Variants in DNHD1 observed in about 807,000 individuals in gnomAD.
DNHD1 encodes the protein dynein heavy chain domain-containing protein 1.
DNHD1 carries 383 observed loss-of-function variants against 458.1 expected under a neutral mutation model. The observed-to-expected ratio is 0.84, with a 90% CI of 0.77 to 0.91. DNHD1 has a LOEUF of 0.91. DNHD1 is among the 40% of genes least tolerant of loss of function. The probability of loss-of-function intolerance (pLI) is 0.00; values close to 1 mark genes in which losing one functional copy is unlikely to be tolerated. For missense variants in DNHD1, 5,336 were observed against 5,866.1 expected, an observed-to-expected ratio of 0.91 and a Z score of 2.95; for synonymous variants, 2,203 against 2,376.9, an observed-to-expected ratio of 0.93 and a Z score of 2.13.
chr11:6,548,810 C>T lies in DNHD1; in HGVS notation c.7264C>T (p.Leu2422Phe). The T allele has an allele frequency of 6.4e-7, 1 of 1,551,696 alleles. No individual in the cohort carries two copies. The highest frequency in any genetic ancestry group is 8.7e-7 in the Non-Finnish European group (1 of 1,147,000). The change falls in exon 24 of 43, where the codon CTC (leucine) becomes TTC (phenylalanine). Residue 2422 changes from leucine (L) to phenylalanine (F), a missense_variant. Physicochemically the swap from Leu to Phe is conservative, Grantham distance 22 (BLOSUM62 0). Transcript: ENST00000254579. This position sits in a 1 kb window ranked among gnomAD's most constrained non-coding sequence, Gnocchi z 4.4. ...CCACCCTGCCTTCAGTTCCTCCCACCTCCGTCTCCTGCTGAGCAGAGGAAT... is the reference window on the plus strand; with the variant it reads ...CCACCCTGCCTTCAGTTCCTCCCACTTCCGTCTCCTGCTGAGCAGAGGAAT... The part of the protein sequence containing the change: ...PIHPAFSSSH[L>F]RLLLSRGIQG...
Position 6,520,222 on chromosome 11 carries a change from A to C in DNHD1, c.1786-16A>C. 6.4e-7 allele frequency: 1 copy of C among 1,561,576 alleles called. No individual in the cohort carries two copies. The highest frequency in any genetic ancestry group is 8.7e-7 in the Non-Finnish European group (1 of 1,151,776). On this transcript the variant is annotated splice_polypyrimidine_tract_variant and intron_variant, in intron 9 of 42. Transcript: ENST00000254579. ...GCTTTCCCATTTCTGCCCCTTCTCCATATCCTGGCATGAAGGTAGTGCAGT... is the reference window on the plus strand; with the variant it reads ...GCTTTCCCATTTCTGCCCCTTCTCCCTATCCTGGCATGAAGGTAGTGCAGT...
chr11:6,557,591 C>A lies in DNHD1; in HGVS notation c.8296C>A (p.His2766Asn), dbSNP rs1321693697. 1 of 1,551,760 alleles carries A rather than the reference C, an allele frequency of 6.4e-7. No homozygotes were observed. The highest frequency in any genetic ancestry group is 2.0e-5 in the Admixed American group (1 of 51,010). Reference sequence around the variant, plus strand: ...CAGGGGGATGAAGGAAAGCATAAGTCACAAGATAAGGCAAGAGAAAGGCAC... The same window carrying A: ...CAGGGGGATGAAGGAAAGCATAAGTAACAAGATAAGGCAAGAGAAAGGCAC... ...VSRGMKESIS[H>N]KIRQEKGTRA... Residue 2766 changes from histidine to asparagine, a missense_variant, in exon 25 of 43, where the codon CAC becomes AAC. His to Asn is a moderately conservative substitution (Grantham distance 68, BLOSUM62 1). This residue lies in a region of DNHD1 where 3,932 missense variants were observed against 4,365.6 expected (regional missense o/e 0.90). Transcript: ENST00000254579.
intron 12 of DNHD1, among the ~76,000 whole-genome samples, chr11:6,532,103 A>G (rs956838901): frequency 6.6e-6 from 1 of 152,172 alleles, no homozygotes; most frequent in African/African-American, 2.4e-5. Flanking sequence ...TACTTGAAAT[A>G]GTGTCTGGTA....
At chr11:6,534,241 A>G in intron 14 of DNHD1, 68 bp downstream of exon 14, 1 of 1,476,460 alleles carries the variant, frequency 6.8e-7, no homozygotes, top group South Asian at 1.3e-5. Flanking sequence ...TAAGAGTTGG[A>G]ACTCAGGGTT....
In DNHD1 at chr11:6,511,293, C is replaced by G. The variant is rs776633142; in HGVS notation, c.1256C>G (p.Ser419Cys). Reference sequence around the variant, plus strand: ...TCTAGGCTTCTGCAGGAGCTACACTCTGTGTCCTGGCTACCCCAGGAACTG... The same window carrying G: ...TCTAGGCTTCTGCAGGAGCTACACTGTGTGTCCTGGCTACCCCAGGAACTG... ...HISRLLQELH[S>C]VSWLPQELDR... The change falls in exon 7 of 43, where the codon TCT (serine) becomes TGT (cysteine). Residue 419 changes from serine (S) to cysteine (C), a missense_variant. Physicochemically the swap from Ser to Cys is moderately radical, Grantham distance 112 (BLOSUM62 -1). Coordinates refer to ENST00000254579, the MANE Select transcript of DNHD1 (RefSeq NM_144666.3). 3 of 1,614,124 alleles carry G rather than the reference C, an allele frequency of 1.9e-6. No homozygotes were observed. Among genetic ancestry groups the G allele is most frequent in the Non-Finnish European group, 2.5e-6 (3 of 1,180,042 alleles).
chr11:6,544,449 C>T (rs1335109626), intron 19 of DNHD1, 125 bp from the exon 20 acceptor site: 3 of 1,005,002 alleles, frequency 3.0e-6, no homozygotes, highest in Non-Finnish European at 4.3e-6. Context: ...TTCCCTGAGT[C>T]CTGCTGGGCA....
rs1389677165 is a variant in DNHD1, at chr11:6,509,232, G to T, written c.1195G>T (p.Ala399Ser). 1 of 1,614,154 alleles carries T rather than the reference G, an allele frequency of 6.2e-7. No individual in the cohort carries two copies. Among genetic ancestry groups the T allele is most frequent in the Admixed American group, 1.7e-5 (1 of 60,020 alleles). ...QKFLENHLLL[A>S]VPHFGAGLLH... ...ATTCCTAGAGAATCATCTGCTCTTG[G>T]CTGTGCCCCACTTTGGAGCTGGGCT... The change falls in exon 6 of 43, where the codon GCT (alanine) becomes TCT (serine). Residue 399 changes from alanine to serine, a missense_variant. By Grantham distance (99) the Ala-to-Ser change is moderately conservative. This residue lies in a region of DNHD1 where 3,932 missense variants were observed against 4,365.6 expected (regional missense o/e 0.90). Coordinates refer to ENST00000254579, the MANE Select transcript of DNHD1 (RefSeq NM_144666.3).
At chr11:6,525,348 G>C (rs1051032084) in intron 10 of DNHD1, among the ~76,000 whole-genome samples, 1 of 152,162 alleles carries the variant, frequency 6.6e-6, no homozygotes, top group South Asian at 2.1e-4. Flanking sequence ...GTGTCTCATG[G>C]GAGATGGTTC....
intron 24 of DNHD1, among the ~76,000 whole-genome samples, 154 bp from the exon 25 acceptor site, chr11:6,556,529 G>A (rs141272724): frequency 7.6e-4 from 116 of 152,320 alleles, no homozygotes; most frequent in African/African-American, 2.1e-3. Flanking sequence ...AGAATGTGGG[G>A]GAGGGAGAAT....
At chr11:6,519,466 T>C in intron 7 of DNHD1, 134 bp from the exon 8 acceptor site, 2 of 977,038 alleles carry the variant, frequency 2.0e-6, no homozygotes, top group Non-Finnish European at 3.1e-6. Context: ...TAAACTCTAC[T>C]AAAAAGGAGC....
At position 6,558,980 on chromosome 11, in the gene DNHD1, C is replaced by A. The variant is rs1399854594; in HGVS notation, c.9290C>A (p.Thr3097Asn). 1 of 1,551,688 alleles carries A rather than the reference C, an allele frequency of 6.4e-7. No individual in the cohort carries two copies. The highest frequency in any genetic ancestry group is 1.2e-5 in the South Asian group (1 of 84,052). The part of the protein sequence containing the change: ...KAMALIHLSA[T>N]HYHEHLCPAL... ...ATGGCTCTTATCCACCTTTCGGCCACCCACTACCATGAGCACCTGTGCCCT... is the reference window on the plus strand; with the variant it reads ...ATGGCTCTTATCCACCTTTCGGCCAACCACTACCATGAGCACCTGTGCCCT... Residue 3097 changes from threonine to asparagine, a missense_variant, in exon 27 of 43, where the codon ACC becomes AAC. Thr to Asn is a moderately conservative substitution (Grantham distance 65). Transcript: ENST00000254579.
At chr11:6,516,505 C>T (rs914321356) in intron 7 of DNHD1, among the ~76,000 whole-genome samples, 1 of 151,638 alleles carries the variant, frequency 6.6e-6, no homozygotes, top group Non-Finnish European at 1.5e-5. Context: ...GCCTCATTGG[C>T]CAGGCTGGTC....
rs1390219751 is a variant in DNHD1, at chr11:6,546,970, C to T, written c.6031C>T (p.Arg2011Trp). ...GCACAGCTTATTTAAGATCCAGAAT[C>T]GGCTGGCAGCCATGGAGGACACCTC... ...CWHSLFKIQNRLAAMEDTSTQ... is the reference protein window; with the variant it reads ...CWHSLFKIQNWLAAMEDTSTQ... The change falls in exon 21 of 43, where the codon CGG becomes TGG. Residue 2011 changes from arginine (R) to tryptophan (W), a missense_variant. Arg to Trp is a moderately radical substitution (Grantham distance 101). Coordinates refer to ENST00000254579, the MANE Select transcript of DNHD1 (RefSeq NM_144666.3). The T allele has an allele frequency of 1.6e-5, 25 of 1,551,328 alleles. No homozygotes were observed. In the Admixed American group the frequency reaches 3.1e-4, roughly 19 times the overall value.
At position 6,566,772 on chromosome 11, in the gene DNHD1, G is replaced by A; in HGVS notation, c.11385+7G>A. ...GGCTGTGGAGGCTGCTGAGGTGCTTGGGGGCTCAGTCTGTGGGTTGAGATG... is the reference window on the plus strand; with the variant it reads ...GGCTGTGGAGGCTGCTGAGGTGCTTAGGGGCTCAGTCTGTGGGTTGAGATG... On this transcript the variant is annotated splice_region_variant and intron_variant, in intron 35 of 42. Coordinates refer to ENST00000254579, the MANE Select transcript of DNHD1 (RefSeq NM_144666.3). 6.2e-7 allele frequency: 1 copy of A among 1,608,114 alleles called. No homozygotes were observed. The highest frequency in any genetic ancestry group is 1.3e-5 in the African/African-American group (1 of 74,930).
intron 7 of DNHD1, among the ~76,000 whole-genome samples, chr11:6,514,058 G>A (rs537870635): frequency 1.3e-5 from 2 of 152,156 alleles, no homozygotes; most frequent in Admixed American, 1.3e-4. Context: ...ATGTTAGCCA[G>A]GATGGTCTCA....
chr11:6,527,924 T>C lies in DNHD1; in HGVS notation c.1838-598T>C, dbSNP rs528872681. On this transcript the variant is annotated intron_variant, in intron 10 of 42. Coordinates refer to ENST00000254579, the MANE Select transcript of DNHD1 (RefSeq NM_144666.3). ...TAAGACAGATAACTGAGGACTGGCA[T>C]GTTCAATATTCATTCCCAGCAACTC... Among the ~76,000 whole-genome samples the C allele has an allele frequency of 7.2e-5, 11 of 152,336 alleles. No individual in the cohort carries two copies. In the South Asian group the frequency reaches 1.4e-3, roughly 20 times the overall value.
intron 33 of DNHD1, 112 bp from the exon 34 acceptor site, chr11:6,566,129 G>T: frequency 6.7e-7 from 1 of 1,490,800 alleles, no homozygotes; most frequent in South Asian, 1.3e-5. Flanking sequence ...CGTCTTGTGG[G>T]AACCCTCCTA....
At position 6,563,522 on chromosome 11, in the gene DNHD1, G is replaced by A. The variant is rs1314837820; in HGVS notation, c.9810G>A (p.Trp3270Ter). 1 of 1,551,686 alleles carries A rather than the reference G, an allele frequency of 6.4e-7. No homozygotes were observed. The highest frequency in any genetic ancestry group is 8.7e-7 in the Non-Finnish European group (1 of 1,146,998). ...ACTTGTTCCACCATGAAACAGGCTG[G>A]GCCAGTGCCAAACAGCTGTTATGCA... ...MCDLFHHETG[W>*]ASAKQLLCTE... The change falls in exon 30 of 43, where the codon TGG (tryptophan) becomes TGA (stop). Residue 3270 changes from tryptophan to a stop codon, truncating the protein, a stop_gained. Coordinates refer to ENST00000254579, the MANE Select transcript of DNHD1 (RefSeq NM_144666.3). LOFTEE classifies it high-confidence loss of function.
chr11:6,545,115 T>TGCTG lies in DNHD1; in HGVS notation c.4177_4180dup (p.Val1394GlyfsTer11). ...TACGACGCTGCTTTCCTCATGTGCA[T>TGCTG]GCTGTGAGCTTCAGGTCTTGCCCAA... On this transcript the variant is annotated frameshift_variant, in exon 21 of 43. Coordinates refer to ENST00000254579, the MANE Select transcript of DNHD1 (RefSeq NM_144666.3). The surrounding 1 kb of genome is among the most constrained non-coding windows in gnomAD (Gnocchi z 4.9). 6.4e-7 allele frequency: 1 copy of TGCTG among 1,552,146 alleles called. No homozygotes were observed. The highest frequency in any genetic ancestry group is 8.7e-7 in the Non-Finnish European group (1 of 1,147,078).
Sources: allele counts gnomAD v4.1 joint callset (sites outside exome capture counted in the v4.1 genomes callset), GRCh38; gene constraint gnomAD v4.1.1; regional missense constraint gnomAD v4.1.1; non-coding constraint Gnocchi (gnomAD v3.1); transcripts MANE v1.5; gene names NCBI Gene and HGNC (gene_info 2026-07-23, HGNC 2026-07-21).